TMEM131: variants seen among roughly 807,000 people sequenced by gnomAD.
TMEM131 encodes the protein transmembrane protein 131.
Under a neutral mutation model 211.6 loss-of-function variants are expected in TMEM131, and 66 were observed. That is an observed-to-expected ratio of 0.31 (90% CI 0.26 to 0.38). The LOEUF (loss-of-function observed/expected upper bound fraction) is 0.38. TMEM131 is among the 10% of genes least tolerant of loss of function. The pLI is 1.00. For synonymous variants in TMEM131, 844 were observed against 841.3 expected, an observed-to-expected ratio of 1.00 and a Z score of -0.06; for missense variants, 2,036 against 2,299.3, an observed-to-expected ratio of 0.89 and a Z score of 2.34.
intron 2 of TMEM131, among the ~76,000 whole-genome samples, chr2:97,914,133 T>G (rs762918683): frequency 2.0e-5 from 3 of 152,166 alleles, no homozygotes; most frequent in Non-Finnish European, 4.4e-5. Flanking sequence ...TTTTAAGAAT[T>G]TTTAACTCAC....
chr2:97,904,435 T>C (rs967059091), intron 3 of TMEM131, among the ~76,000 whole-genome samples: 17 of 152,130 alleles, frequency 1.1e-4, no homozygotes, highest in African/African-American at 4.1e-4. Context: ...TGAAAAAACA[T>C]TAACAAATGA....
chr2:97,770,112 GA>G (rs1189161147), intron 33 of TMEM131, among the ~76,000 whole-genome samples: 6 of 152,174 alleles, frequency 3.9e-5, no homozygotes, highest in South Asian at 2.1e-4. Flanking sequence ...AAGGTGACAG[GA>G]ATTTCAGGAA....
At chr2:97,838,677 T>C (rs2105085383) in intron 7 of TMEM131, among the ~76,000 whole-genome samples, 1 of 152,194 alleles carries the variant, frequency 6.6e-6, no homozygotes, top group Admixed American at 6.5e-5. Context: ...ACTCCTGACC[T>C]CGTCATCCAC....
intron 5 of TMEM131, among the ~76,000 whole-genome samples, chr2:97,849,393 C>G (rs1038764150): frequency 6.6e-6 from 1 of 152,104 alleles, no homozygotes; most frequent in African/African-American, 2.4e-5. Flanking sequence ...TAAAGTGGTA[C>G]AAAGAACTGA....
At chr2:97,991,749 G>A (rs892300060) in intron 1 of TMEM131, among the ~76,000 whole-genome samples, 1 of 152,174 alleles carries the variant, frequency 6.6e-6, no homozygotes, top group Non-Finnish European at 1.5e-5. Context: ...CAATCAGAGC[G>A]CTTGAGTCAC....
At chr2:97,868,441 T>C (rs1674359165) in intron 4 of TMEM131, among the ~76,000 whole-genome samples, 1 of 152,206 alleles carries the variant, frequency 6.6e-6, no homozygotes, top group Admixed American at 6.5e-5. Context: ...TTGATGTGTT[T>C]AGATTATGTA....
At chr2:97,805,521 T>A (rs1415511447) in intron 20 of TMEM131, 30 bp downstream of exon 20, 1 of 1,610,530 alleles carries the variant, frequency 6.2e-7, no homozygotes, top group Admixed American at 1.7e-5. Flanking sequence ...TGTTAACCAA[T>A]GGGAATTCTC....
chr2:97,881,389 G>A (rs1263441332), intron 4 of TMEM131, among the ~76,000 whole-genome samples: 2 of 151,528 alleles, frequency 1.3e-5, no homozygotes, highest in Non-Finnish European at 2.9e-5. Context: ...AAAATTTTTT[G>A]TAGGGATTGG....
chr2:97,974,743 T>C (rs1679457374), intron 1 of TMEM131, among the ~76,000 whole-genome samples: 1 of 151,584 alleles, frequency 6.6e-6, no homozygotes, highest in African/African-American at 2.4e-5. Context: ...GACCTGTAAT[T>C]CTATAGCAAA....
In TMEM131 at chr2:97,881,707, CA is replaced by C. The variant is rs1205367293; in HGVS notation, c.359+6344del. 9.7e-3 allele frequency among the ~76,000 whole-genome samples: 534 copies of C among 55,334 alleles called. 4 individuals carry two copies. Among genetic ancestry groups the C allele is most frequent in the South Asian group, 0.02 (39 of 1,916 alleles). 36.3% of individuals were successfully genotyped at this position (55,334 alleles called of 152,430 possible). On this transcript the variant is annotated intron_variant, in intron 4 of 40. Transcript: ENST00000186436. ...GCCAGGCCTAAAGGCTGGATAACTG[CA>C]AAAAAAAAAAAAAAAGGGGGGGGGG...
intron 31 of TMEM131, among the ~76,000 whole-genome samples, chr2:97,780,000 A>G (rs375426353): frequency 4.6e-5 from 7 of 152,306 alleles, no homozygotes; most frequent in African/African-American, 1.7e-4. Context: ...ATCCTGGGTT[A>G]CAGAGTGAGA....
chr2:97,955,455 G>A (rs1353838003), intron 1 of TMEM131, among the ~76,000 whole-genome samples: 1 of 151,954 alleles, frequency 6.6e-6, no homozygotes, highest in East Asian at 1.9e-4. Flanking sequence ...ACTGCAATAA[G>A]GCAAGGAAAA....
chr2:97,785,522 C>T (rs1162592623), intron 31 of TMEM131, among the ~76,000 whole-genome samples: 3 of 152,124 alleles, frequency 2.0e-5, no homozygotes, highest in Non-Finnish European at 4.4e-5. Flanking sequence ...AATGAAGATG[C>T]TGCTGAGGAT....
intron 31 of TMEM131, among the ~76,000 whole-genome samples, chr2:97,788,885 C>T (rs1467570334): frequency 6.6e-6 from 1 of 152,190 alleles, no homozygotes; most frequent in East Asian, 1.9e-4. Flanking sequence ...ATGTATTATT[C>T]ATTTTTCATA....
chr2:97,871,630 A>C (rs533756302), intron 4 of TMEM131, among the ~76,000 whole-genome samples: 6 of 152,302 alleles, frequency 3.9e-5, no homozygotes, highest in Non-Finnish European at 8.8e-5. Context: ...GCTGACTCAG[A>C]GCAGGAGGAC....
intron 1 of TMEM131, among the ~76,000 whole-genome samples, chr2:97,939,562 C>T (rs10181936): frequency 0.35 from 52,467 of 151,996 alleles, 9,951 homozygotes; most frequent in Middle Eastern, 0.49. Flanking sequence ...AAGTCCAGGA[C>T]CAGACAGATT....
chr2:97,842,436 G>C (rs996295214), intron 6 of TMEM131, among the ~76,000 whole-genome samples: 9 of 152,062 alleles, frequency 5.9e-5, no homozygotes, highest in Non-Finnish European at 1.0e-4. Flanking sequence ...CAATTCAACA[G>C]TAAAAAAACA....
chr2:97,978,909 T>C (rs1679664868), intron 1 of TMEM131, among the ~76,000 whole-genome samples: 1 of 152,240 alleles, frequency 6.6e-6, no homozygotes, highest in African/African-American at 2.4e-5. Context: ...ACTCAGTCTC[T>C]GTGGCAGCTA....
At chr2:97,812,594 G>A (rs369909387) in intron 16 of TMEM131, 39 bp from the exon 17 acceptor site, 4 of 1,587,836 alleles carry the variant, frequency 2.5e-6, no homozygotes, top group Non-Finnish European at 3.4e-6. Context: ...CACAACACAA[G>A]CATAAAATCC....
Sources: gnomAD v4.1 joint callset for allele counts (sites outside exome capture counted in the v4.1 genomes callset) on GRCh38, gnomAD v4.1.1 for gene constraint, MANE v1.5 for transcripts, NCBI Gene and HGNC (gene_info 2026-07-23, HGNC 2026-07-21) for gene names.